The following CRYBG1 variants were observed in gnomAD, a reference collection of about 807,000 sequenced individuals.
The protein encoded by CRYBG1 is beta/gamma crystallin domain-containing protein 1.
A neutral mutation model predicts 189.2 loss-of-function variants in CRYBG1; 139 were observed. The ratio of observed to expected loss-of-function variants is 0.73; its 90% CI spans 0.64 to 0.85. CRYBG1 has a LOEUF of 0.85. CRYBG1 is among the 40% of genes least tolerant of loss of function. CRYBG1 has a pLI of 0.00. For synonymous variants in CRYBG1, 1,023 were observed against 1,017.1 expected (o/e 1.01, Z -0.11); for missense variants, 2,611 against 2,675.8 (o/e 0.98, Z 0.53).
intron 1 of CRYBG1, among the ~76,000 whole-genome samples, chr6:106,418,407 T>C (rs552934820): frequency 2.2e-4 from 33 of 152,386 alleles, no homozygotes; most frequent in African/African-American, 7.7e-4. Context: ...GCTGTTTTTT[T>C]GGCTTGAAGG....
At chr6:106,457,338 T>C (rs1771909756) in intron 2 of CRYBG1, 1 of 152,184 alleles carries the variant, frequency 6.6e-6, no homozygotes, top group Non-Finnish European at 1.5e-5. Flanking sequence ...CCTCCCATGA[T>C]AATTTATTAA....
rs745637868 is a variant in CRYBG1 at position 106,544,771 on chromosome 6, AT to A, written c.5167-9del. 4 of 1,601,446 alleles carry A rather than the reference AT, an allele frequency of 2.5e-6. No individual in the cohort carries two copies. The highest frequency in any genetic ancestry group is 1.1e-5 in the South Asian group (1 of 88,922). ...TAAATGGCTAGCCTTTGAATTTTGA[AT>A]TTTTTTTCTCAATAGGATTTTTCAA... On this transcript the variant is annotated splice_polypyrimidine_tract_variant and intron_variant, in intron 12 of 21. Transcript: ENST00000633556.
At chr6:106,381,884 A>T (rs1770296677) in intron 1 of CRYBG1, among the ~76,000 whole-genome samples, 1 of 152,242 alleles carries the variant, frequency 6.6e-6, no homozygotes, top group Non-Finnish European at 1.5e-5. Flanking sequence ...TGGACAGGGC[A>T]TGGACAATGT....
chr6:106,507,772 T>C (rs937794924), intron 2 of CRYBG1, among the ~76,000 whole-genome samples: 2 of 152,166 alleles, frequency 1.3e-5, no homozygotes, highest in Non-Finnish European at 2.9e-5. Flanking sequence ...GAAGGGGTGT[T>C]CCTCAAAGAT....
chr6:106,509,646 G>T (rs958509104), intron 2 of CRYBG1, among the ~76,000 whole-genome samples: 1 of 151,970 alleles, frequency 6.6e-6, no homozygotes, highest in African/African-American at 2.4e-5. Flanking sequence ...AGCTGACTCT[G>T]GGGGGTGGGT....
intron 1 of CRYBG1, among the ~76,000 whole-genome samples, chr6:106,427,754 A>G (rs1025593140): frequency 6.6e-6 from 1 of 152,172 alleles, no homozygotes; most frequent in African/African-American, 2.4e-5. Flanking sequence ...CCCCTGCTCA[A>G]AACCCTTCAG....
At chr6:106,398,429 GCCAGAC>G (rs1770654079) in intron 1 of CRYBG1, among the ~76,000 whole-genome samples, 1 of 152,040 alleles carries the variant, frequency 6.6e-6, no homozygotes, top group Non-Finnish European at 1.5e-5. Context: ...GGATGACAGA[GCCAGAC>G]CTTGTCTCAA....
In CRYBG1 at chr6:106,447,547, A is replaced by AATATATATATAT. The variant is rs59943398; in HGVS notation, c.174-4132_174-4121dup. ...ATGCTTGTACCTCATGTACCTCATA[A>AATATATATATAT]ATATATATATATATATATATATATA... is the stretch of plus-strand genomic sequence containing the variant. On this transcript the variant is annotated intron_variant, in intron 1 of 21. Coordinates refer to ENST00000633556, the MANE Select transcript of CRYBG1 (RefSeq NM_001371242.2). Among the ~76,000 whole-genome samples, 96 of 141,062 alleles carry AATATATATATAT rather than the reference A, an allele frequency of 6.8e-4. 1 individual carries two copies. In the East Asian group the frequency reaches 7.6e-3, roughly 11 times the overall value. The allele number at this position is 141,062 out of a possible 152,430, so 92.5% of individuals were successfully genotyped here. A position where few individuals can be genotyped will look rare whatever the true frequency, so the allele number is the denominator to read the frequency against.
chr6:106,396,858 T>A (rs1329596987), intron 1 of CRYBG1, among the ~76,000 whole-genome samples: 1 of 152,182 alleles, frequency 6.6e-6, no homozygotes, highest in Non-Finnish European at 1.5e-5. Flanking sequence ...ATTTTTGTAT[T>A]TTTAGTAGAG....
chr6:106,455,763 A>G (rs1265849004), intron 2 of CRYBG1, among the ~76,000 whole-genome samples: 1 of 151,956 alleles, frequency 6.6e-6, no homozygotes, highest in African/African-American at 2.4e-5. Flanking sequence ...CAAGCAAAAA[A>G]AGGTTTTTTG....
intron 2 of CRYBG1, among the ~76,000 whole-genome samples, chr6:106,503,770 A>G (rs1380908058): frequency 6.6e-6 from 1 of 152,236 alleles, no homozygotes; most frequent in East Asian, 1.9e-4. Flanking sequence ...CTGTCAAAGT[A>G]TAAATGACTT....
At position 106,537,496 on chromosome 6, in the gene CRYBG1, T is replaced by C. The variant is rs9486388; in HGVS notation, c.4719-1907T>C. 3.9e-5 allele frequency among the ~76,000 whole-genome samples: 6 copies of C among 152,192 alleles called. No homozygotes were observed. In the East Asian group the frequency reaches 1.2e-3, roughly 29 times the overall value. On this transcript the variant is annotated intron_variant, in intron 8 of 21. Transcript: ENST00000633556. ...GCTTTAAACATAAGGAAGTGTAAAG[T>C]ACCCTATTCTTAGCGTCTGTTTTCT...
chr6:106,445,949 C>T (rs923979877), intron 1 of CRYBG1, among the ~76,000 whole-genome samples: 1 of 152,338 alleles, frequency 6.6e-6, no homozygotes, highest in East Asian at 1.9e-4. Flanking sequence ...TCTATCCTCA[C>T]ACTGTCATTA....
At chr6:106,381,325 A>G (rs1203380643) in intron 1 of CRYBG1, among the ~76,000 whole-genome samples, 1 of 152,206 alleles carries the variant, frequency 6.6e-6, no homozygotes. Flanking sequence ...CTTGTGGCCA[A>G]AATTCCTAAA....
intron 2 of CRYBG1, among the ~76,000 whole-genome samples, chr6:106,473,745 A>G (rs9400011): frequency 0.26 from 39,632 of 152,118 alleles, 5,402 homozygotes; most frequent in East Asian, 0.37. Flanking sequence ...TGCCAACTCT[A>G]AACTATGAGG....
chr6:106,556,704 C>T (rs1355994336), intron 17 of CRYBG1, among the ~76,000 whole-genome samples: 1 of 152,172 alleles, frequency 6.6e-6, no homozygotes. Flanking sequence ...ACTGCTTTCT[C>T]ATAAAAAGCT....
intron 10 of CRYBG1, among the ~76,000 whole-genome samples, chr6:106,542,128 ATG>A (rs67244548): frequency 0.11 from 16,498 of 149,574 alleles, 1,011 homozygotes; most frequent in South Asian, 0.18. Flanking sequence ...ATACATATAT[ATG>A]TGTGTGTGTA....
intron 4 of CRYBG1, among the ~76,000 whole-genome samples, 177 bp from the exon 5 acceptor site, chr6:106,524,956 A>G (rs1317124992): frequency 6.6e-6 from 1 of 152,266 alleles, no homozygotes; most frequent in African/African-American, 2.4e-5. Context: ...AAAAACCTCA[A>G]TTTAAAAGCA....
At chr6:106,551,773 TG>T in intron 13 of CRYBG1, 78 bp from the exon 14 acceptor site, 1 of 1,439,632 alleles carries the variant, frequency 6.9e-7, no homozygotes, top group African/African-American at 1.4e-5. Context: ...AGTTTCTGTA[TG>T]ATACATAGAT....
Sources: allele counts gnomAD v4.1 joint callset (sites outside exome capture counted in the v4.1 genomes callset), GRCh38; gene constraint gnomAD v4.1.1; transcripts MANE v1.5; gene names NCBI Gene and HGNC (gene_info 2026-07-23, HGNC 2026-07-21).